The following TNNI3K variants were observed in gnomAD, a reference collection of about 807,000 sequenced individuals.
The protein encoded by TNNI3K is serine/threonine-protein kinase TNNI3K.
Under a neutral mutation model 114.5 loss-of-function variants are expected in TNNI3K, and 140 were observed. That is an observed-to-expected ratio of 1.22 (90% CI 1.07 to 1.41). The LOEUF is 1.41. TNNI3K is among the 40% of genes most tolerant of loss of function. TNNI3K has a pLI of 0.00. For synonymous variants in TNNI3K, 347 were observed against 347.5 expected, an observed-to-expected ratio of 1.00 and a Z score of 0.02; for missense variants, 1,125 against 1,007.6, an observed-to-expected ratio of 1.12 and a Z score of -1.58.
chr1:74,525,084 T>C (rs1646486142), intron 23 of TNNI3K, among the ~76,000 whole-genome samples: 1 of 152,060 alleles, frequency 6.6e-6, no homozygotes, highest in African/African-American at 2.4e-5. Flanking sequence ...TTCAGTGTGA[T>C]AAAAAACATA....
chr1:74,342,958 A>G lies in TNNI3K; in HGVS notation c.799A>G (p.Asn267Asp). ...TTTGGAAGTTCAACCTCATGTTGTT[A>G]ATATCTATGGAGATACCCCCTTACA... is the stretch of plus-strand genomic sequence containing the variant. ...SDLEVQPHVV[N>D]IYGDTPLHLA... Residue 267 changes from asparagine to aspartate, a missense_variant, in exon 8 of 25, where the codon AAT becomes GAT. Transcript: ENST00000326637. 1 of 1,613,872 alleles carries G rather than the reference A, an allele frequency of 6.2e-7. No homozygotes were observed. The highest frequency in any genetic ancestry group is 8.5e-7 in the Non-Finnish European group (1 of 1,179,876).
intron 5 of TNNI3K, among the ~76,000 whole-genome samples, chr1:74,299,806 G>C (rs1658207959): frequency 6.6e-6 from 1 of 152,112 alleles, no homozygotes; most frequent in South Asian, 2.1e-4. Context: ...ATGCTGAAGA[G>C]ACAGGCAGTG....
At chr1:74,533,172 A>C (rs1255292892) in intron 23 of TNNI3K, among the ~76,000 whole-genome samples, 1 of 152,236 alleles carries the variant, frequency 6.6e-6, no homozygotes, top group Non-Finnish European at 1.5e-5. Context: ...CTCATCTGAC[A>C]AAGGGCTAAT....
intron 23 of TNNI3K, among the ~76,000 whole-genome samples, chr1:74,530,582 C>T (rs1040211098): frequency 3.3e-5 from 5 of 152,162 alleles, no homozygotes; most frequent in Admixed American, 2.6e-4. Flanking sequence ...GTCTTGATTT[C>T]ACTACAACCT....
Position 74,369,114 on chromosome 1 carries a change from G to A in TNNI3K, c.1414G>A (p.Gly472Ser), listed in dbSNP as rs200732425. Residue 472 changes from glycine to serine, a missense_variant and splice_region_variant, in exon 14 of 25, where the codon GGT (glycine) becomes AGT (serine). Coordinates refer to ENST00000326637, the MANE Select transcript of TNNI3K (RefSeq NM_015978.3). ...TGAGTTCCATGAGATTATTGGCTCA[G>A]GTAACCTAAAATAAATAAATAAATA... ...EIEFHEIIGSGSFGKVYKGRC... is the reference protein window; with the variant it reads ...EIEFHEIIGSSSFGKVYKGRC... 26 of 1,606,050 alleles carry A rather than the reference G, an allele frequency of 1.6e-5. No individual in the cohort carries two copies. In the South Asian group the frequency reaches 2.4e-4, roughly 15 times the overall value.
chr1:74,421,139 G>C (rs1454139584), intron 17 of TNNI3K, among the ~76,000 whole-genome samples: 2 of 152,096 alleles, frequency 1.3e-5, no homozygotes, highest in Non-Finnish European at 2.9e-5. Flanking sequence ...ATTGTCTTGA[G>C]TCTCTATGAA....
chr1:74,512,215 A>G (rs2100384487), intron 23 of TNNI3K, among the ~76,000 whole-genome samples: 1 of 152,310 alleles, frequency 6.6e-6, no homozygotes, highest in African/African-American at 2.4e-5. Flanking sequence ...GTTTACTGTC[A>G]GTGATTGTAC....
chr1:74,502,509 A>G (rs909419274), intron 23 of TNNI3K, among the ~76,000 whole-genome samples: 4 of 152,238 alleles, frequency 2.6e-5, no homozygotes. Flanking sequence ...TCATTACATC[A>G]TGCTATCTCT....
chr1:74,494,102 G>T (rs1344907313), intron 23 of TNNI3K, among the ~76,000 whole-genome samples: 1 of 152,056 alleles, frequency 6.6e-6, no homozygotes, highest in Admixed American at 6.6e-5. Context: ...GACCAGAAAA[G>T]ACTAGTTTAA....
intron 6 of TNNI3K, among the ~76,000 whole-genome samples, chr1:74,333,339 T>C (rs1162506179): frequency 6.6e-6 from 1 of 152,218 alleles, no homozygotes; most frequent in Non-Finnish European, 1.5e-5. Context: ...GCACTGAAAA[T>C]ACTTTTAGAA....
chr1:74,283,887 G>C (rs1420717465), intron 5 of TNNI3K, among the ~76,000 whole-genome samples: 2 of 151,998 alleles, frequency 1.3e-5, no homozygotes, highest in East Asian at 3.9e-4. Flanking sequence ...TTACATATTT[G>C]CAGCAGTTGG....
intron 4 of TNNI3K, among the ~76,000 whole-genome samples, chr1:74,265,324 TGAG>T (rs1203256856): frequency 1.3e-5 from 2 of 151,960 alleles, no homozygotes; most frequent in Non-Finnish European, 2.9e-5. Flanking sequence ...GCCAGCCCAT[TGAG>T]GAGCTCCAGA....
chr1:74,247,090 C>T (rs1654610734), intron 2 of TNNI3K, among the ~76,000 whole-genome samples: 1 of 152,172 alleles, frequency 6.6e-6, no homozygotes, highest in African/African-American at 2.4e-5. Flanking sequence ...TCACTGACTT[C>T]AAGAATGAAG....
chr1:74,487,765 A>G (rs1668841356), intron 21 of TNNI3K, among the ~76,000 whole-genome samples: 1 of 152,202 alleles, frequency 6.6e-6, no homozygotes, highest in African/African-American at 2.4e-5. Context: ...ACTGCTCGTA[A>G]TAAAAAGCTC....
intron 17 of TNNI3K, among the ~76,000 whole-genome samples, chr1:74,397,801 G>GAACATAT (rs1340746260): frequency 3.3e-5 from 5 of 152,096 alleles, no homozygotes; most frequent in African/African-American, 1.2e-4. Flanking sequence ...TGTCATTGAT[G>GAACATAT]GAAACAAACA....
chr1:74,261,408 T>C (rs1655666836), intron 4 of TNNI3K, among the ~76,000 whole-genome samples: 1 of 152,140 alleles, frequency 6.6e-6, no homozygotes, highest in African/African-American at 2.4e-5. Flanking sequence ...TAAATTTACA[T>C]GTTAAACATG....
At chr1:74,372,270 A>G (rs1465149538) in intron 17 of TNNI3K, 1 of 151,764 alleles carries the variant, frequency 6.6e-6, no homozygotes. Flanking sequence ...CCCCAGGGAA[A>G]TGGAGATTGG....
chr1:74,300,021 C>T (rs1159432799), intron 5 of TNNI3K, among the ~76,000 whole-genome samples: 2 of 152,096 alleles, frequency 1.3e-5, no homozygotes, highest in African/African-American at 4.8e-5. Flanking sequence ...AATTTTATAA[C>T]TTAGAATCCT....
At chr1:74,407,600 ACTT>A (rs1186610180) in intron 17 of TNNI3K, among the ~76,000 whole-genome samples, 2 of 152,236 alleles carry the variant, frequency 1.3e-5, no homozygotes, top group Middle Eastern at 3.4e-3. Flanking sequence ...TCAGATTTAC[ACTT>A]CTTCTCCATT....
Sources: allele counts gnomAD v4.1 joint callset (sites outside exome capture counted in the v4.1 genomes callset), GRCh38; gene constraint gnomAD v4.1.1; transcripts MANE v1.5; gene names NCBI Gene and HGNC (gene_info 2026-07-23, HGNC 2026-07-21).